ABCA12: variants seen among roughly 807,000 people sequenced by gnomAD.
The protein encoded by ABCA12 is ATP binding cassette subfamily A member 12, also known as glucosylceramide transporter ABCA12.
ABCA12 carries 156 observed loss-of-function variants against 293.5 expected under a neutral mutation model. The ratio of observed to expected loss-of-function variants is 0.53; its 90% CI spans 0.47 to 0.61. The LOEUF is 0.61. Ranked by LOEUF, ABCA12 falls within the 20% of genes least tolerant of loss-of-function variation. The pLI, the probability that ABCA12 is intolerant of heterozygous loss-of-function variation, is 0.00. For synonymous variants in ABCA12, 1,063 were observed against 1,108.0 expected (o/e 0.96, Z 0.81); for missense variants, 2,797 against 3,090.2 (o/e 0.91, Z 2.25).
chr2:215,046,656 T>G (rs1298016437), intron 6 of ABCA12, among the ~76,000 whole-genome samples: 1 of 151,822 alleles, frequency 6.6e-6, no homozygotes, highest in Non-Finnish European at 1.5e-5. Flanking sequence ...AAAAAACAAT[T>G]GTAAGTACTT....
Position 215,026,911 on chromosome 2 carries a change from A to G in ABCA12, c.1089T>C (p.Asp363=), listed in dbSNP as rs760615733. The G allele has an allele frequency of 1.2e-6, 2 of 1,610,634 alleles. No individual in the cohort carries two copies. Among genetic ancestry groups the G allele is most frequent in the South Asian group, 1.1e-5 (1 of 90,992 alleles). ...AQLLILENFE[D]ALLNISANSP... ...TATTTGCTGATATATTTAAGAGGGC[A>G]TCTTCAAAGTTTTCCAGAATTAGGA... Residue 363 remains aspartate (D), a synonymous_variant, in exon 10 of 53, where the codon GAT becomes GAC. Coordinates refer to ENST00000272895, the MANE Select transcript of ABCA12 (RefSeq NM_173076.3).
intron 3 of ABCA12, among the ~76,000 whole-genome samples, chr2:215,059,807 A>G (rs1701492527): frequency 6.6e-6 from 1 of 152,106 alleles, no homozygotes; most frequent in Middle Eastern, 3.4e-3. Context: ...ACTGCAAGGA[A>G]ATGTGTAATC....
intron 1 of ABCA12, among the ~76,000 whole-genome samples, chr2:215,132,821 T>C (rs1371910963): frequency 2.0e-5 from 3 of 152,106 alleles, no homozygotes; most frequent in Admixed American, 6.6e-5. Context: ...GCAGTTGCTT[T>C]ACAAGATCTG....
At chr2:215,011,396 G>A (rs768104644) in intron 17 of ABCA12, 43 bp downstream of exon 17, 2 of 1,405,330 alleles carry the variant, frequency 1.4e-6, no homozygotes, top group Non-Finnish European at 2.0e-6. Context: ...TATTCTTATT[G>A]TCATTAAGGG....
intron 2 of ABCA12, among the ~76,000 whole-genome samples, chr2:215,072,751 T>C (rs1701761402): frequency 6.6e-6 from 1 of 152,176 alleles, no homozygotes; most frequent in South Asian, 2.1e-4. Flanking sequence ...GGGGGAAGTT[T>C]AAAAATAAAA....
chr2:215,072,174 A>G (rs1009476377), intron 2 of ABCA12, among the ~76,000 whole-genome samples: 1 of 152,204 alleles, frequency 6.6e-6, no homozygotes, highest in Non-Finnish European at 1.5e-5. Flanking sequence ...AGGAACAAGA[A>G]CAAACCTTGG....
chr2:214,941,595 T>C (rs758621952), intron 50 of ABCA12, among the ~76,000 whole-genome samples: 3 of 152,136 alleles, frequency 2.0e-5, no homozygotes, highest in Non-Finnish European at 2.9e-5. Context: ...AGTCTCTTTG[T>C]TGGTCTCTAA....
intron 26 of ABCA12, among the ~76,000 whole-genome samples, chr2:214,988,543 A>T (rs1699836957): frequency 6.6e-6 from 1 of 152,204 alleles, no homozygotes; most frequent in African/African-American, 2.4e-5. Flanking sequence ...AAATGCATAC[A>T]TATAAGTAGG....
At chr2:214,934,034 T>A in intron 52 of ABCA12, 44 bp downstream of exon 52, 1 of 1,582,544 alleles carries the variant, frequency 6.3e-7, no homozygotes, top group South Asian at 1.1e-5. Context: ...AATAATAATA[T>A]TAATATGTGA....
At chr2:215,086,747 G>A (rs1328224584) in intron 2 of ABCA12, among the ~76,000 whole-genome samples, 1 of 152,110 alleles carries the variant, frequency 6.6e-6, no homozygotes, top group African/African-American at 2.4e-5. Context: ...AAACAGCTGG[G>A]TATTTGCAGA....
At chr2:214,948,969 ATGTT>A in intron 46 of ABCA12, 67 bp downstream of exon 46, 1 of 1,368,692 alleles carries the variant, frequency 7.3e-7, no homozygotes, top group South Asian at 1.2e-5. Flanking sequence ...ATAACATTAA[ATGTT>A]CATTTCAATT....
At position 215,114,671 on chromosome 2, in the gene ABCA12, G is replaced by A. The variant is rs1307853849; in HGVS notation, c.70-2981C>T. Among the ~76,000 whole-genome samples, 6 of 152,256 alleles carry A rather than the reference G, an allele frequency of 3.9e-5. No individual in the cohort carries two copies. The East Asian group carries it at 1.2e-3, about 29-fold the overall frequency. On this transcript the variant is annotated intron_variant, in intron 1 of 52. Transcript: ENST00000272895. ...AAATGTAAGACGTGTTATTATTCTAGCCTCATCTCTGATTTATTTCAAAAT... is the reference window on the plus strand; with the variant it reads ...AAATGTAAGACGTGTTATTATTCTAACCTCATCTCTGATTTATTTCAAAAT...
In ABCA12 at chr2:214,958,451, G is replaced by C. The variant is rs1699019139; in HGVS notation, c.5943C>G (p.Ile1981Met). Residue 1981 changes from isoleucine (I) to methionine (M), a missense_variant, in exon 41 of 53, where the codon ATC becomes ATG. Physicochemically the swap from Ile to Met is conservative, Grantham distance 10. Transcript: ENST00000272895. ...CCACTAAAATATCGATTAAACTGCT[G>C]ATTCTAGAGTGAGCAATAGGGAGAG... is the stretch of plus-strand genomic sequence containing the variant. ...PGVQDQEQAT[I>M]SSLIDILVAL... 6.2e-7 allele frequency: 1 copy of C among 1,613,584 alleles called. No individual in the cohort carries two copies.
At position 215,064,192 on chromosome 2, in the gene ABCA12, C is replaced by T. The variant is rs1701593021; in HGVS notation, c.191G>A (p.Ser64Asn). 3 of 1,612,646 alleles carry T rather than the reference C, an allele frequency of 1.9e-6. No homozygotes were observed. In the South Asian group the frequency reaches 3.3e-5, roughly 18 times the overall value. The change falls in exon 3 of 53, where the codon AGT becomes AAT. Residue 64 changes from serine to asparagine, a missense_variant. Ser to Asn is a conservative substitution (Grantham distance 46). Around this residue, in one of 3 missense-constraint regions of ABCA12, gnomAD observed 656 missense variants for 638.2 expected, o/e 1.03. Coordinates refer to ENST00000272895, the MANE Select transcript of ABCA12 (RefSeq NM_173076.3). ...TCYLAPRNLPSTGFFPFLQTL... is the reference protein window; with the variant it reads ...TCYLAPRNLPNTGFFPFLQTL... ...CTGCAGGAATGGAAAGAATCCAGTA[C>T]TAGGAAGGTTTCGAGGTGCGAGGTA... is the stretch of plus-strand genomic sequence containing the variant.
At position 214,989,390 on chromosome 2, in the gene ABCA12, T is replaced by C. The variant is rs757762223; in HGVS notation, c.3768A>G (p.Leu1256=). ...DTTSFGWLCC[L]ILADSFIYFL... is the part of the protein sequence containing the mutation. The stretch of plus-strand genomic sequence containing the variant: ...AATAAATGAAAGAGTCAGCTAGGAT[T>C]AGACAGCACAGCCAGCCAAATGAGG... Residue 1256 remains leucine, a synonymous_variant, in exon 26 of 53, where the codon CTA becomes CTG. Coordinates refer to ENST00000272895, the MANE Select transcript of ABCA12 (RefSeq NM_173076.3). The C allele has an allele frequency of 1.9e-6, 3 of 1,613,420 alleles. No individual in the cohort carries two copies. The highest frequency in any genetic ancestry group is 4.5e-5 in the East Asian group (2 of 44,830).
intron 1 of ABCA12, among the ~76,000 whole-genome samples, chr2:215,134,310 ATG>A (rs1305258624): frequency 6.8e-6 from 1 of 147,330 alleles, no homozygotes; most frequent in Non-Finnish European, 1.5e-5. Context: ...ATATACGTAT[ATG>A]TGTATATATG....
intron 1 of ABCA12, among the ~76,000 whole-genome samples, chr2:215,134,527 C>CGTATATATGTACATATATACGTATAT (rs1166559754): frequency 8.7e-5 from 11 of 126,250 alleles, no homozygotes; most frequent in Non-Finnish European, 5.0e-5. Flanking sequence ...TGTATATATA[C>CGTATATATGTACATATATACGTATAT]GTATATATGT....
chr2:214,932,640 C>T lies in ABCA12; in HGVS notation c.7782G>A (p.Glu2594=), dbSNP rs1698094229. 6.2e-7 allele frequency: 1 copy of T among 1,611,984 alleles called. No homozygotes were observed. The highest frequency in any genetic ancestry group is 1.3e-5 in the African/African-American group (1 of 74,842). ...ISVDSQDDQM[E]S is the part of the protein sequence containing the mutation. ...ATTGAGTTTGCTGGAAGTGTTAAGA[C>T]TCCATCTGGTCATCTTGTGAGTCAA... is the stretch of plus-strand genomic sequence containing the variant. Residue 2594 remains glutamate (E), a synonymous_variant, in exon 53 of 53, where the codon GAG becomes GAA. Coordinates refer to ENST00000272895, the MANE Select transcript of ABCA12 (RefSeq NM_173076.3).
rs755532118 is a variant in ABCA12 at position 214,948,776 on chromosome 2, A to G, written c.6963-39T>C. 11 of 1,613,416 alleles carry G rather than the reference A, an allele frequency of 6.8e-6. No individual in the cohort carries two copies. In the East Asian group the frequency reaches 1.1e-4, roughly 16 times the overall value. On this transcript the variant is annotated intron_variant, in intron 46 of 52. Transcript: ENST00000272895. ...ATCAAAAACACAGATGAATTTCAAAAGATTTATCCCTCCTGGTTCCCAAAT... is the reference window on the plus strand; with the variant it reads ...ATCAAAAACACAGATGAATTTCAAAGGATTTATCCCTCCTGGTTCCCAAAT...
Sources: allele counts gnomAD v4.1 joint callset (sites outside exome capture counted in the v4.1 genomes callset), GRCh38; gene constraint gnomAD v4.1.1; regional missense constraint gnomAD v4.1.1; transcripts MANE v1.5; gene names NCBI Gene and HGNC (gene_info 2026-07-23, HGNC 2026-07-21).